Variants in MYO6 observed in about 807,000 individuals in gnomAD.
MYO6 encodes unconventional myosin-VI.
Under a neutral mutation model 178.7 loss-of-function variants are expected in MYO6, and 74 were observed. That is an observed-to-expected ratio of 0.41 (90% CI 0.34 to 0.50). MYO6 has a LOEUF of 0.50. MYO6 is among the 20% of genes least tolerant of loss of function. The probability of loss-of-function intolerance (pLI) is 0.09; values close to 1 mark genes in which losing one functional copy is unlikely to be tolerated. For synonymous variants in MYO6, 477 were observed against 504.6 expected (o/e 0.95, Z 0.73); for missense variants, 1,330 against 1,547.4 (o/e 0.86, Z 2.36).
intron 30 of MYO6, among the ~76,000 whole-genome samples, chr6:75,899,619 T>C (rs966963102): frequency 1.3e-5 from 2 of 150,706 alleles, no homozygotes; most frequent in African/African-American, 4.9e-5. Context: ...TTAGACCGCT[T>C]ATGAAAAGTA....
At chr6:75,868,177 GT>G (rs952908712) in intron 18 of MYO6, among the ~76,000 whole-genome samples, 51 of 151,020 alleles carry the variant, frequency 3.4e-4, no homozygotes, top group African/African-American at 8.7e-4. Context: ...ATAAGAGCTA[GT>G]TTTTTTTTAA....
At chr6:75,882,215 G>A (rs897102424) in intron 23 of MYO6, among the ~76,000 whole-genome samples, 2 of 151,986 alleles carry the variant, frequency 1.3e-5, no homozygotes, top group African/African-American at 4.8e-5. Flanking sequence ...CTGAAATATT[G>A]TCAGTCACCA....
At chr6:75,795,001 A>G (rs1451167724) in intron 1 of MYO6, among the ~76,000 whole-genome samples, 1 of 152,202 alleles carries the variant, frequency 6.6e-6, no homozygotes, top group East Asian at 1.9e-4. Flanking sequence ...AAGTGAGACC[A>G]AATTGTAGCT....
chr6:75,809,495 A>G (rs1770452392), intron 1 of MYO6, among the ~76,000 whole-genome samples: 1 of 152,222 alleles, frequency 6.6e-6, no homozygotes, highest in African/African-American at 2.4e-5. Context: ...AACAGTCTCA[A>G]GAAGTCCTGA....
intron 11 of MYO6, among the ~76,000 whole-genome samples, chr6:75,853,614 A>G (rs1775473782): frequency 6.6e-6 from 1 of 152,094 alleles, no homozygotes; most frequent in Non-Finnish European, 1.5e-5. Flanking sequence ...AATTGTCCCA[A>G]CATCTTATTA....
At chr6:75,830,941 C>G (rs1346027361) in intron 5 of MYO6, among the ~76,000 whole-genome samples, 2 of 152,170 alleles carry the variant, frequency 1.3e-5, no homozygotes, top group Admixed American at 6.5e-5. Flanking sequence ...CCCAGCTCAT[C>G]CCTTATGAGT....
At position 75,886,028 on chromosome 6, in the gene MYO6, C is replaced by CTGAA; in HGVS notation, c.2442_2445dup (p.Ala816Ter). On this transcript the variant is annotated frameshift_variant, in exon 24 of 35. Coordinates refer to ENST00000369977, the MANE Select transcript of MYO6 (RefSeq NM_004999.4). LOFTEE classifies it high-confidence loss of function. ...GTGAAAAACAAAATAAAATATCGAG[C>CTGAA]TGAAGCCTGCATTAAAATGCAAAAA... 6.2e-7 allele frequency: 1 copy of CTGAA among 1,609,432 alleles called. No individual in the cohort carries two copies. Among genetic ancestry groups the CTGAA allele is most frequent in the Non-Finnish European group, 8.5e-7 (1 of 1,176,448 alleles).
chr6:75,819,115 C>T (rs1333689423), intron 2 of MYO6, among the ~76,000 whole-genome samples: 1 of 152,136 alleles, frequency 6.6e-6, no homozygotes, highest in Non-Finnish European at 1.5e-5. Flanking sequence ...ATGCTTTACA[C>T]TCTTATTCAG....
intron 10 of MYO6, 136 bp downstream of exon 10, chr6:75,845,113 T>C (rs947804293): frequency 9.9e-6 from 7 of 708,644 alleles, no homozygotes; most frequent in Non-Finnish European, 1.7e-5. Context: ...TAAATATTCA[T>C]CTAAGTCTCT....
intron 32 of MYO6, among the ~76,000 whole-genome samples, chr6:75,910,811 T>C (rs1321559667): frequency 1.3e-5 from 2 of 152,170 alleles, no homozygotes; most frequent in Non-Finnish European, 2.9e-5. Flanking sequence ...GAAAATTCTA[T>C]ACTTAAATGA....
intron 11 of MYO6, among the ~76,000 whole-genome samples, chr6:75,852,246 G>A (rs1775341683): frequency 6.6e-6 from 1 of 152,008 alleles, no homozygotes; most frequent in African/African-American, 2.4e-5. Flanking sequence ...TAGGCAATAT[G>A]TATATGTATA....
At chr6:75,767,956 G>C (rs559750589) in intron 1 of MYO6, 2 of 152,264 alleles carry the variant, frequency 1.3e-5, no homozygotes, top group African/African-American at 2.4e-5. Context: ...TGTTGCCCAG[G>C]TTGGTCTTAA....
intron 23 of MYO6, among the ~76,000 whole-genome samples, chr6:75,883,428 G>A (rs1398138358): frequency 6.6e-6 from 1 of 152,116 alleles, no homozygotes; most frequent in Non-Finnish European, 1.5e-5. Flanking sequence ...GGTTCTTGGA[G>A]AATATGTTCA....
At chr6:75,894,766 T>C (rs1779163493) in intron 28 of MYO6, 1 of 1,371,800 alleles carries the variant, frequency 7.3e-7, no homozygotes, top group Non-Finnish European at 9.9e-7. Context: ...AATGTATATA[T>C]TATAGATAGA....
chr6:75,855,381 T>G, intron 12 of MYO6, 98 bp downstream of exon 12: 1 of 1,204,030 alleles, frequency 8.3e-7, no homozygotes. Flanking sequence ...GCTTGGTAGA[T>G]CAAAATTCTC....
rs147770809 is a variant in MYO6, at chr6:75,774,116, T to C, written c.-48+24693T>C. On this transcript the variant is annotated intron_variant, in intron 1 of 34. Transcript: ENST00000369977. ...ACCTTGCTATAGCCCCACTTAATAA[T>C]TGCTTGATGAATTATGTAAATGAAT... Among the ~76,000 whole-genome samples, 1,143 of 152,262 alleles carry C rather than the reference T, an allele frequency of 7.5e-3. 13 individuals carry two copies. The highest frequency in any genetic ancestry group is 0.014 in the Middle Eastern group (4 of 292).
At chr6:75,832,770 T>C in intron 5 of MYO6, 72 bp from the exon 6 acceptor site, 1 of 922,722 alleles carries the variant, frequency 1.1e-6, no homozygotes, top group Non-Finnish European at 1.8e-6. Context: ...TAAGTGGTCC[T>C]AAAGTGAACT....
At chr6:75,804,854 A>C (rs2150127432) in intron 1 of MYO6, among the ~76,000 whole-genome samples, 1 of 147,228 alleles carries the variant, frequency 6.8e-6, no homozygotes, top group East Asian at 2.0e-4. Flanking sequence ...ACATATATAT[A>C]CACATATATA....
At chr6:75,778,986 G>A (rs1322541238) in intron 1 of MYO6, among the ~76,000 whole-genome samples, 2 of 149,600 alleles carry the variant, frequency 1.3e-5, no homozygotes, top group Non-Finnish European at 3.0e-5. Flanking sequence ...AAGCCCAGGA[G>A]GTTGAGGCTG....
Sources: gnomAD v4.1 joint callset for allele counts (sites outside exome capture counted in the v4.1 genomes callset) on GRCh38, gnomAD v4.1.1 for gene constraint, MANE v1.5 for transcripts, NCBI Gene and HGNC (gene_info 2026-07-23, HGNC 2026-07-21) for gene names.